CMPK2: variants seen among roughly 807,000 people sequenced by gnomAD.
The protein encoded by CMPK2 is cytidine/uridine monophosphate kinase 2, also known as UMP-CMP kinase 2, mitochondrial.
A neutral mutation model predicts 33.4 loss-of-function variants in CMPK2; 32 were observed. The observed-to-expected ratio is 0.96, with a 90% CI of 0.72 to 1.29. The LOEUF is 1.29. CMPK2 is among the 50% of genes most tolerant of loss of function. The pLI, the probability that CMPK2 is intolerant of heterozygous loss-of-function variation, is 0.00. For synonymous variants in CMPK2, 299 were observed against 275.3 expected (o/e 1.09, Z -0.85); for missense variants, 672 against 616.0 (o/e 1.09, Z -0.96).
intron 3 of CMPK2, among the ~76,000 whole-genome samples, chr2:6,856,990 G>A (rs186996135): frequency 6.6e-6 from 1 of 152,198 alleles, no homozygotes; most frequent in Non-Finnish European, 1.5e-5. Flanking sequence ...TCTTCAGTAG[G>A]CAGGAGCAAT....
chr2:6,852,584 A>G (rs533924134), intron 3 of CMPK2, among the ~76,000 whole-genome samples: 1 of 152,330 alleles, frequency 6.6e-6, no homozygotes, highest in African/African-American at 2.4e-5. Flanking sequence ...CTCTACTGAA[A>G]AACTCCTCAT....
chr2:6,866,055 T>C (rs1039722620), upstream of CMPK2: 5 of 302,544 alleles, frequency 1.7e-5, no homozygotes, highest in Middle Eastern at 1.6e-3. Context: ...GGTAGCTCCG[T>C]GTGCGTTCTG....
Position 6,865,139 on chromosome 2 carries a change from C to G in CMPK2, c.558G>C (p.Gln186His), listed in dbSNP as rs1233511261. ...LWEVQDGRRLQVGCAQVVPVP... is the reference protein window; with the variant it reads ...LWEVQDGRRLHVGCAQVVPVP... ...CGGGCACGACCTGTGCGCAGCCCAC[C>G]TGCAGCCGCCTGCCGTCTTGCACCT... The change falls in exon 1 of 5, where the codon CAG becomes CAC. Residue 186 changes from glutamine to histidine, a missense_variant. Transcript: ENST00000256722. 1 of 1,525,678 alleles carries G rather than the reference C, an allele frequency of 6.6e-7. No individual in the cohort carries two copies. The highest frequency in any genetic ancestry group is 8.8e-7 in the Non-Finnish European group (1 of 1,137,724). 94.5% of individuals were successfully genotyped at this position (1,525,678 alleles called of 1,614,324 possible).
At chr2:6,864,283 GAC>G (rs1429364720) in intron 1 of CMPK2, 5 of 152,198 alleles carry the variant, frequency 3.3e-5, no homozygotes, top group African/African-American at 1.2e-4. Flanking sequence ...TGCTCAAAGT[GAC>G]ACAGCTAATA....
At chr2:6,859,756 T>C (rs1038731565) in intron 3 of CMPK2, among the ~76,000 whole-genome samples, 4 of 152,224 alleles carry the variant, frequency 2.6e-5, no homozygotes, top group Admixed American at 2.6e-4. Context: ...GCTAGGGCAG[T>C]GTGGAAGGGA....
intron 4 of CMPK2, chr2:6,850,759 A>G (rs1662494155): frequency 1.0e-6 from 1 of 985,200 alleles, no homozygotes; most frequent in Non-Finnish European, 1.2e-6. Flanking sequence ...CTATGTTATG[A>G]TAACAGGGCT....
In CMPK2 at chr2:6,861,176, A is replaced by G; in HGVS notation, c.992+8T>C. 1 of 1,610,190 alleles carries G rather than the reference A, an allele frequency of 6.2e-7. No homozygotes were observed. The highest frequency in any genetic ancestry group is 2.2e-5 in the East Asian group (1 of 44,860). Reference sequence around the variant, plus strand: ...AAAATGCCTAATTCAAGGCATCTTTATACCTACCTGTCTACAATCACAGGA... The same window carrying G: ...AAAATGCCTAATTCAAGGCATCTTTGTACCTACCTGTCTACAATCACAGGA... On this transcript the variant is annotated splice_region_variant and intron_variant, in intron 3 of 4. Coordinates refer to ENST00000256722, the MANE Select transcript of CMPK2 (RefSeq NM_207315.4).
At chr2:6,850,874 T>C in intron 4 of CMPK2, 1 of 991,902 alleles carries the variant, frequency 1.0e-6, no homozygotes. Context: ...CCAGACTCTC[T>C]TCTGCAGTCG....
At chr2:6,866,541 A>G (rs748240528), upstream of CMPK2, 87 of 915,120 alleles carry the variant, frequency 9.5e-5, no homozygotes, top group Non-Finnish European at 1.1e-4. Context: ...ACCAAATTGA[A>G]GTTTCCTGCA....
chr2:6,848,248 A>T (rs1047704953), downstream of CMPK2: 1 of 676,440 alleles, frequency 1.5e-6, no homozygotes. Flanking sequence ...CCTTTACATC[A>T]CAATATTAAA....
chr2:6,851,016 CTGTAAAATACGGCTAA>C, intron 4 of CMPK2: 2 of 1,020,432 alleles, frequency 2.0e-6, no homozygotes, highest in Non-Finnish European at 2.4e-6. Flanking sequence ...AAGTTGTAAA[CTGTAAAATACGGCTAA>C]TGTTTTCCTC....
downstream of CMPK2, among the ~76,000 whole-genome samples, chr2:6,847,201 A>G (rs1325984417): frequency 6.6e-6 from 1 of 152,130 alleles, no homozygotes; most frequent in Non-Finnish European, 1.5e-5. Context: ...GACCAATCAG[A>G]AAGCCTGGCC....
rs1037936776 is a variant in CMPK2, at chr2:6,865,322, G to C, written c.375C>G (p.Gly125=). Residue 125 remains glycine (G), a synonymous_variant, in exon 1 of 5, where the codon GGC becomes GGG. Coordinates refer to ENST00000256722, the MANE Select transcript of CMPK2 (RefSeq NM_207315.4). ...LLCYCPGGQA[G]GAQQGFLLRD... is the part of the protein sequence containing the mutation. ...GCAGCAGGAAGCCTTGCTGTGCGCC[G>C]CCGGCCTGGCCGCCCGGGCAGTAGC... The C allele has an allele frequency of 4.7e-6, 7 of 1,493,818 alleles. No individual in the cohort carries two copies. The highest frequency in any genetic ancestry group is 6.2e-6 in the Non-Finnish European group (7 of 1,129,692). The allele number at this position is 1,493,818 out of a possible 1,614,324, so 92.5% of individuals were successfully genotyped here.
chr2:6,863,246 C>T (rs545557324), intron 2 of CMPK2, among the ~76,000 whole-genome samples: 10 of 152,270 alleles, frequency 6.6e-5, no homozygotes, highest in Admixed American at 6.5e-5. Context: ...TCCTGTGTTC[C>T]GCCAGAGCAC....
At chr2:6,860,973 T>C (rs1012844001) in intron 3 of CMPK2, among the ~76,000 whole-genome samples, 6 of 152,144 alleles carry the variant, frequency 3.9e-5, no homozygotes, top group African/African-American at 1.4e-4. Flanking sequence ...TATATGTAAT[T>C]CTCTAGCAAA....
chr2:6,863,479 C>T lies in CMPK2; in HGVS notation c.775G>A (p.Gly259Arg). 2 of 1,614,028 alleles carry T rather than the reference C, an allele frequency of 1.2e-6. No individual in the cohort carries two copies. Among genetic ancestry groups the T allele is most frequent in the South Asian group, 2.2e-5 (2 of 91,078 alleles). Residue 259 changes from glycine to arginine, a missense_variant, in exon 2 of 5, where the codon GGA (glycine) becomes AGA (arginine). Gly to Arg is a moderately radical substitution (Grantham distance 125). Coordinates refer to ENST00000256722, the MANE Select transcript of CMPK2 (RefSeq NM_207315.4). ...KGKFQVVAIE[G>R]LDATGKTTVT... ...ATTATCTTACCCGTGGCATCCAGTCCTTCGATGGCAACAACCTGGAACTTT... is the reference window on the plus strand; with the variant it reads ...ATTATCTTACCCGTGGCATCCAGTCTTTCGATGGCAACAACCTGGAACTTT...
In CMPK2 at chr2:6,848,852, A is replaced by G. The variant is rs1662428821; in HGVS notation, c.*998T>C. On this transcript the variant is annotated 3_prime_UTR_variant, in exon 5 of 5. Transcript: ENST00000256722. Reference sequence around the variant, plus strand: ...TTCATATGTAATCATGAGACATTCAAGTGCAAGATAATTTACCAAGAAATC... The same window carrying G: ...TTCATATGTAATCATGAGACATTCAGGTGCAAGATAATTTACCAAGAAATC... 1 of 985,888 alleles carries G rather than the reference A, an allele frequency of 1.0e-6. No individual in the cohort carries two copies. The highest frequency in any genetic ancestry group is 1.2e-6 in the Non-Finnish European group (1 of 829,926). The allele number at this position is 985,888 out of a possible 1,614,324, so 61.1% of individuals were successfully genotyped here.
At chr2:6,856,002 A>G (rs1259940602) in intron 3 of CMPK2, among the ~76,000 whole-genome samples, 2 of 152,230 alleles carry the variant, frequency 1.3e-5, no homozygotes, top group Non-Finnish European at 1.5e-5. Context: ...AAAGCCTGGT[A>G]ATACTAATGT....
At chr2:6,844,883 A>G (rs1317346355), downstream of CMPK2, among the ~76,000 whole-genome samples, 1 of 152,230 alleles carries the variant, frequency 6.6e-6, no homozygotes, top group African/African-American at 2.4e-5. Flanking sequence ...GAACCTGTCC[A>G]AAGTTGGGAA....
Sources: gnomAD v4.1 joint callset for allele counts (sites outside exome capture counted in the v4.1 genomes callset) on GRCh38, gnomAD v4.1.1 for gene constraint, MANE v1.5 for transcripts, NCBI Gene and HGNC (gene_info 2026-07-23, HGNC 2026-07-21) for gene names.